Variants in DMXL1 observed in about 807,000 individuals in gnomAD.
DMXL1 encodes the protein Dmx like 1, also known as dmX-like protein 1.
DMXL1 carries 99 observed loss-of-function variants against 319.2 expected under a neutral mutation model. The ratio of observed to expected loss-of-function variants is 0.31; its 90% CI spans 0.26 to 0.37. DMXL1 has a LOEUF of 0.37. DMXL1 is among the 10% of genes least tolerant of loss of function. The pLI is 1.00. For synonymous variants in DMXL1, 1,385 were observed against 1,235.2 expected, an observed-to-expected ratio of 1.12 and a Z score of -2.54; for missense variants, 3,745 against 3,595.6, an observed-to-expected ratio of 1.04 and a Z score of -1.06.
intron 5 of DMXL1, among the ~76,000 whole-genome samples, chr5:119,110,736 G>A (rs1030143025): frequency 3.9e-5 from 6 of 152,172 alleles, no homozygotes; most frequent in Non-Finnish European, 7.4e-5. Flanking sequence ...AAGAAAAGAA[G>A]AATGAAGATT....
chr5:119,197,385 C>G (rs1172943953), intron 31 of DMXL1, among the ~76,000 whole-genome samples: 1 of 152,128 alleles, frequency 6.6e-6, no homozygotes, highest in African/African-American at 2.4e-5. Context: ...TTGTGTTGGG[C>G]TTTATTCAAA....
chr5:119,165,028 GTTA>G (rs1175402161), intron 20 of DMXL1, among the ~76,000 whole-genome samples, 152 bp from the exon 21 acceptor site: 2 of 151,770 alleles, frequency 1.3e-5, no homozygotes, highest in Non-Finnish European at 2.9e-5. Context: ...AGTCACTTTT[GTTA>G]TTATTTTATA....
At chr5:119,199,942 A>G (rs1406671248) in intron 32 of DMXL1, among the ~76,000 whole-genome samples, 1 of 151,990 alleles carries the variant, frequency 6.6e-6, no homozygotes, top group African/African-American at 2.4e-5. Context: ...TCTTTTTTAA[A>G]TTGGTTGAAG....
At chr5:119,144,061 A>G in intron 14 of DMXL1, 131 bp downstream of exon 14, 1 of 578,138 alleles carries the variant, frequency 1.7e-6, no homozygotes, top group Non-Finnish European at 3.0e-6. Flanking sequence ...TTAACTCATC[A>G]CATAATAGAT....
At chr5:119,110,317 C>G in intron 5 of DMXL1, 34 bp downstream of exon 5, 4 of 1,492,134 alleles carry the variant, frequency 2.7e-6, no homozygotes, top group Non-Finnish European at 3.6e-6. Context: ...AACTGATAAA[C>G]CTGTTGTTCT....
At chr5:119,189,528 A>G (rs749533532) in intron 28 of DMXL1, among the ~76,000 whole-genome samples, 180 bp from the exon 29 acceptor site, 3 of 152,220 alleles carry the variant, frequency 2.0e-5, no homozygotes, top group Non-Finnish European at 4.4e-5. Context: ...AGAGGTTGCT[A>G]GACAGAAATG....
At position 119,082,018 on chromosome 5, in the gene DMXL1, TATACACACACACACACACACACAC is replaced by T. The variant is rs1440744431; in HGVS notation, c.87+10364_87+10387del. 2.2e-3 allele frequency among the ~76,000 whole-genome samples: 156 copies of T among 71,428 alleles called. 1 individual carries two copies. Among genetic ancestry groups the T allele is most frequent in the African/African-American group, 7.1e-3 (152 of 21,340 alleles). The allele number at this position is 71,428 out of a possible 152,430, so 46.9% of individuals were successfully genotyped here. A position where few individuals can be genotyped will look rare whatever the true frequency, so the allele number is the denominator to read the frequency against. ...AAGGTTATATATATATATATATATATATACACACACACACACACACACACACACACACACACACATACACGTATA... is the reference window on the plus strand; with the variant it reads ...AAGGTTATATATATATATATATATATACACACACACACACATACACGTATA... On this transcript the variant is annotated intron_variant, in intron 1 of 43. Coordinates refer to ENST00000539542, the MANE Select transcript of DMXL1 (RefSeq NM_001290321.3).
chr5:119,237,491 A>G, intron 40 of DMXL1, 77 bp downstream of exon 40: 1 of 855,820 alleles, frequency 1.2e-6, no homozygotes, highest in South Asian at 1.5e-5. Flanking sequence ...ATTTGAGACA[A>G]GAAATATAGA....
intron 28 of DMXL1, among the ~76,000 whole-genome samples, chr5:119,181,073 A>C (rs957988838): frequency 6.6e-6 from 1 of 152,130 alleles, no homozygotes; most frequent in African/African-American, 2.4e-5. Context: ...GTGCAAAAGC[A>C]ATGGCAAAAC....
At chr5:119,219,477 C>A (rs1248046108) in intron 35 of DMXL1, among the ~76,000 whole-genome samples, 1 of 152,096 alleles carries the variant, frequency 6.6e-6, no homozygotes, top group African/African-American at 2.4e-5. Flanking sequence ...GTGTTAAAAT[C>A]TAACATAACA....
intron 25 of DMXL1, among the ~76,000 whole-genome samples, chr5:119,172,992 T>C (rs1237228810): frequency 6.6e-6 from 1 of 152,204 alleles, no homozygotes; most frequent in African/African-American, 2.4e-5. Context: ...ATATTTCATA[T>C]TTAAAACTAA....
Position 119,143,884 on chromosome 5 carries a change from C to T in DMXL1, c.2420C>T (p.Thr807Ile). ...EVFNIVSQQSTARPGCIIALD... is the reference protein window; with the variant it reads ...EVFNIVSQQSIARPGCIIALD... Reference sequence around the variant, plus strand: ...TTTAACATCGTCAGTCAACAATCAACAGCCAGGCCAGGATGCATTATTGCA... The same window carrying T: ...TTTAACATCGTCAGTCAACAATCAATAGCCAGGCCAGGATGCATTATTGCA... The change falls in exon 14 of 44, where the codon ACA becomes ATA. Residue 807 changes from threonine (T) to isoleucine (I), a missense_variant. Thr to Ile is a moderately conservative substitution (Grantham distance 89). Transcript: ENST00000539542. 1.3e-6 allele frequency: 2 copies of T among 1,586,022 alleles called. No homozygotes were observed. Among genetic ancestry groups the T allele is most frequent in the Non-Finnish European group, 1.7e-6 (2 of 1,166,606 alleles).
intron 34 of DMXL1, among the ~76,000 whole-genome samples, chr5:119,208,751 A>G (rs1782209808): frequency 6.6e-6 from 1 of 152,128 alleles, no homozygotes; most frequent in Non-Finnish European, 1.5e-5. Flanking sequence ...TAAAGTGTAC[A>G]ACTTGTTCAA....
At position 119,247,384 on chromosome 5, in the gene DMXL1, A is replaced by G. The variant is rs536820929; in HGVS notation, c.*165A>G. 3.0e-4 allele frequency: 167 copies of G among 551,566 alleles called. No homozygotes were observed. The highest frequency in any genetic ancestry group is 4.7e-4 in the Non-Finnish European group (148 of 312,188). The allele number at this position is 551,566 out of a possible 1,614,324, so 34.2% of individuals were successfully genotyped here. A position where few individuals can be genotyped will look rare whatever the true frequency, so the allele number is the denominator to read the frequency against. On this transcript the variant is annotated 3_prime_UTR_variant, in exon 44 of 44. Transcript: ENST00000539542. ...TGCACTGATGCCTTAAAAATTAACAAGGTCATTCAGAAGTAGATTACATTG... is the reference window on the plus strand; with the variant it reads ...TGCACTGATGCCTTAAAAATTAACAGGGTCATTCAGAAGTAGATTACATTG...
intron 28 of DMXL1, among the ~76,000 whole-genome samples, chr5:119,184,113 G>A (rs1023105029): frequency 1.3e-5 from 2 of 151,198 alleles, no homozygotes; most frequent in Admixed American, 1.3e-4. Context: ...GAATGCAGTG[G>A]TGTGATCACA....
intron 13 of DMXL1, among the ~76,000 whole-genome samples, chr5:119,138,428 G>C (rs1032182582): frequency 8.5e-5 from 13 of 152,182 alleles, no homozygotes; most frequent in Admixed American, 5.2e-4. Context: ...GACATAGTAG[G>C]TTAGTATCTG....
chr5:119,242,790 A>C (rs913745771), intron 42 of DMXL1, among the ~76,000 whole-genome samples: 2 of 152,244 alleles, frequency 1.3e-5, no homozygotes, highest in Non-Finnish European at 2.9e-5. Context: ...GGAGCCCACT[A>C]ATAGACTCAC....
intron 34 of DMXL1, among the ~76,000 whole-genome samples, chr5:119,208,537 A>G (rs1299713543): frequency 6.6e-6 from 1 of 152,076 alleles, no homozygotes; most frequent in East Asian, 1.9e-4. Flanking sequence ...TCTTATACAA[A>G]CATTTTTGTT....
At chr5:119,105,152 T>A in intron 3 of DMXL1, 28 bp from the exon 4 acceptor site, 1 of 1,444,328 alleles carries the variant, frequency 6.9e-7, no homozygotes, top group South Asian at 1.1e-5. Context: ...CCAATCATAA[T>A]GGGCTAAATG....
Sources: allele counts gnomAD v4.1 joint callset (sites outside exome capture counted in the v4.1 genomes callset), GRCh38; gene constraint gnomAD v4.1.1; transcripts MANE v1.5; gene names NCBI Gene and HGNC (gene_info 2026-07-23, HGNC 2026-07-21).